FBXW7: variants seen among roughly 807,000 people sequenced by gnomAD.
The protein encoded by FBXW7 is F-box/WD repeat-containing protein 7.
A neutral mutation model predicts 86.3 loss-of-function variants in FBXW7; 11 were observed. The ratio of observed to expected loss-of-function variants is 0.13; its 90% confidence interval spans 0.08 to 0.21. The LOEUF (loss-of-function observed/expected upper bound fraction) is 0.21, where lower values mean the gene tolerates loss of function less well. Ranked by LOEUF, FBXW7 falls within the 10% of genes least tolerant of loss-of-function variation. The pLI is 1.00. For synonymous variants in FBXW7, 313 were observed against 297.9 expected (o/e 1.05, Z -0.52); for missense variants, 488 against 847.4 (o/e 0.58, Z 5.27).
At chr4:152,397,695 C>CAAAA (rs397995836) in intron 4 of FBXW7, among the ~76,000 whole-genome samples, 3 of 60,374 alleles carry the variant, frequency 5.0e-5, no homozygotes, top group Non-Finnish European at 1.0e-4. Flanking sequence ...CCTAAGAAGC[C>CAAAA]AAAAAAAAAA....
intron 2 of FBXW7, among the ~76,000 whole-genome samples, chr4:152,497,247 C>A (rs746222922): frequency 7.1e-6 from 1 of 141,570 alleles, no homozygotes; most frequent in Non-Finnish European, 1.5e-5. Context: ...CACTTGAACC[C>A]GGGAGGCAGA....
intron 11 of FBXW7, among the ~76,000 whole-genome samples, chr4:152,327,769 G>C (rs1279015599): frequency 6.6e-6 from 1 of 151,982 alleles, no homozygotes; most frequent in African/African-American, 2.4e-5. Context: ...ATTACCCACA[G>C]GCCTCAGCTT....
At chr4:152,362,702 C>T (rs1188734931) in intron 4 of FBXW7, among the ~76,000 whole-genome samples, 1 of 151,804 alleles carries the variant, frequency 6.6e-6, no homozygotes, top group Non-Finnish European at 1.5e-5. Flanking sequence ...GTGGTGGGCA[C>T]CTGTAATCTC....
rs36013686 is a variant in FBXW7, at chr4:152,353,208, C to T, written c.502-3084G>A. ...CATGCTATTTTCACTGTCATCCTACCGTAGTCCTGGCACAGACTAATCAGA... is the reference window on the plus strand; with the variant it reads ...CATGCTATTTTCACTGTCATCCTACTGTAGTCCTGGCACAGACTAATCAGA... On this transcript the variant is annotated intron_variant, in intron 4 of 13. Coordinates refer to ENST00000281708, the MANE Select transcript of FBXW7 (RefSeq NM_001349798.2). Among the ~76,000 whole-genome samples the T allele has an allele frequency of 1.5e-3, 224 of 152,188 alleles. 2 individuals carry two copies. In the Middle Eastern group the frequency reaches 0.02, roughly 14 times the overall value.
At chr4:152,448,754 A>C (rs888713188) in intron 2 of FBXW7, among the ~76,000 whole-genome samples, 2 of 152,232 alleles carry the variant, frequency 1.3e-5, no homozygotes, top group Non-Finnish European at 2.9e-5. Flanking sequence ...GATGCCAGCC[A>C]CAAACTCATC....
At chr4:152,426,520 T>C (rs571452196) in intron 2 of FBXW7, among the ~76,000 whole-genome samples, 2 of 152,258 alleles carry the variant, frequency 1.3e-5, no homozygotes, top group African/African-American at 4.8e-5. Context: ...CAGCTAGTTT[T>C]TGCATTTTTA....
At chr4:152,481,185 A>C (rs188366392) in intron 2 of FBXW7, among the ~76,000 whole-genome samples, 3 of 152,170 alleles carry the variant, frequency 2.0e-5, no homozygotes, top group African/African-American at 7.2e-5. Context: ...CAAAAATTGT[A>C]GGGCCCTTAA....
At chr4:152,428,007 G>A (rs1252106260) in intron 2 of FBXW7, among the ~76,000 whole-genome samples, 2 of 152,156 alleles carry the variant, frequency 1.3e-5, no homozygotes, top group Non-Finnish European at 2.9e-5. Context: ...TGAGAGGTTA[G>A]AGAATGATTT....
chr4:152,496,752 C>A (rs1387085256), intron 2 of FBXW7, among the ~76,000 whole-genome samples: 1 of 152,158 alleles, frequency 6.6e-6, no homozygotes, highest in Non-Finnish European at 1.5e-5. Flanking sequence ...ACTATCCCCA[C>A]TGTAACCTGT....
At chr4:152,359,590 AAAAC>A (rs951300776) in intron 4 of FBXW7, among the ~76,000 whole-genome samples, 4 of 152,040 alleles carry the variant, frequency 2.6e-5, no homozygotes, top group African/African-American at 7.2e-5. Context: ...CTCTGTCTCA[AAAAC>A]AAACAAACAA....
At chr4:152,382,069 C>T in intron 4 of FBXW7, 2 of 565,106 alleles carry the variant, frequency 3.5e-6, no homozygotes, top group Non-Finnish European at 2.9e-6. Flanking sequence ...ACTGGCTACA[C>T]AATGCATTGA....
chr4:152,326,263 A>C, intron 11 of FBXW7, 32 bp from the exon 12 acceptor site: 2 of 1,550,384 alleles, frequency 1.3e-6, no homozygotes, highest in Non-Finnish European at 1.8e-6. Flanking sequence ...AACAAAACAA[A>C]ACAAAAAAAC....
chr4:152,359,223 C>T (rs1732689687), intron 4 of FBXW7, among the ~76,000 whole-genome samples: 1 of 152,058 alleles, frequency 6.6e-6, no homozygotes, highest in South Asian at 2.1e-4. Flanking sequence ...TCCTATGTCC[C>T]AATATCTGCG....
intron 2 of FBXW7, among the ~76,000 whole-genome samples, chr4:152,487,343 C>T (rs1361562481): frequency 2.0e-5 from 3 of 151,964 alleles, no homozygotes; most frequent in Non-Finnish European, 4.4e-5. Flanking sequence ...ACCAAGTAAT[C>T]AAACTAAACA....
At position 152,535,315 on chromosome 4, in the gene FBXW7, G is replaced by A. The variant is rs1479097722; in HGVS notation, c.-401C>T. On this transcript the variant is annotated 5_prime_UTR_variant, in exon 1 of 14. Transcript: ENST00000281708. ...GCCCTCGGGACTGGGGCGGGGGAGG[G>A]GGGCTCTAGGAACTCCTCCCGGAGT... 1 of 326,630 alleles carries A rather than the reference G, an allele frequency of 3.1e-6. No individual in the cohort carries two copies. The highest frequency in any genetic ancestry group is 1.6e-4 in the South Asian group (1 of 6,432). The allele number at this position is 326,630 out of a possible 1,614,324, so 20.2% of individuals were successfully genotyped here.
chr4:152,516,333 T>C (rs1270913582), intron 2 of FBXW7, among the ~76,000 whole-genome samples: 5 of 152,334 alleles, frequency 3.3e-5, no homozygotes, highest in African/African-American at 9.6e-5. Context: ...GCTGTGGCAT[T>C]AGAGTCTCAT....
chr4:152,374,121 T>G (rs1184022624), intron 4 of FBXW7, among the ~76,000 whole-genome samples: 1 of 151,982 alleles, frequency 6.6e-6, no homozygotes, highest in Non-Finnish European at 1.5e-5. Context: ...GAAAGCCACA[T>G]TTTAGTTTCC....
intron 2 of FBXW7, among the ~76,000 whole-genome samples, chr4:152,479,130 T>A (rs1744658967): frequency 6.6e-6 from 1 of 152,156 alleles, no homozygotes; most frequent in Non-Finnish European, 1.5e-5. Flanking sequence ...CAAGCTACTT[T>A]GGAAGACAGT....
In FBXW7 at chr4:152,517,130, C is replaced by T. The variant is rs563766857; in HGVS notation, c.-120+17811G>A. On this transcript the variant is annotated intron_variant, in intron 2 of 13. Coordinates refer to ENST00000281708, the MANE Select transcript of FBXW7 (RefSeq NM_001349798.2). The stretch of plus-strand genomic sequence containing the variant: ...GAGCTACCGTGCCAGGCTGTTTCTG[C>T]CTTTCTAAACCAATGACATATCAAA... Among the ~76,000 whole-genome samples, 85 of 152,204 alleles carry T rather than the reference C, an allele frequency of 5.6e-4. No individual in the cohort carries two copies. The South Asian group carries it at 0.013, about 23-fold the overall frequency.
Sources: gnomAD v4.1 joint callset for allele counts (sites outside exome capture counted in the v4.1 genomes callset) on GRCh38, gnomAD v4.1.1 for gene constraint, MANE v1.5 for transcripts, NCBI Gene and HGNC (gene_info 2026-07-23, HGNC 2026-07-21) for gene names.